Variants in SBNO2 observed in about 807,000 individuals in gnomAD.
SBNO2 encodes the protein strawberry notch homolog 2, also known as protein strawberry notch homolog 2.
Under a neutral mutation model 146.3 loss-of-function variants are expected in SBNO2, and 89 were observed. That is an observed-to-expected ratio of 0.61 (90% CI 0.51 to 0.73). The LOEUF is 0.73. Among genes scored for constraint, SBNO2 ranks in the 30% least tolerant of loss-of-function variants. The pLI is 0.00. For synonymous variants in SBNO2, 1,147 were observed against 892.6 expected (o/e 1.29, Z -5.08); for missense variants, 2,092 against 2,003.7 (o/e 1.04, Z -0.84).
At position 1,122,119 on chromosome 19, in the gene SBNO2, G is replaced by T; in HGVS notation, c.1149+20C>A. ...CCCCCTAATCCAGCCCTCCCCTCCCGATTGCCCCCAGCAGGATACGACGCC... is the reference window on the plus strand; with the variant it reads ...CCCCCTAATCCAGCCCTCCCCTCCCTATTGCCCCCAGCAGGATACGACGCC... On this transcript the variant is annotated intron_variant, in intron 11 of 31. Coordinates refer to ENST00000361757, the MANE Select transcript of SBNO2 (RefSeq NM_014963.3). 3.8e-6 allele frequency: 4 copies of T among 1,039,400 alleles called. No homozygotes were observed. Among genetic ancestry groups the T allele is most frequent in the Non-Finnish European group, 2.3e-6 (2 of 864,452 alleles). 64.4% of individuals were successfully genotyped at this position (1,039,400 alleles called of 1,614,324 possible).
chr19:1,117,286 C>T (rs374310421), intron 15 of SBNO2, 37 bp downstream of exon 15: 130 of 1,532,528 alleles, frequency 8.5e-5, no homozygotes, highest in East Asian at 8.3e-4. Flanking sequence ...CCTGCAGGCC[C>T]GGCCGCCCTC....
At chr19:1,146,236 G>C (rs150450175) in intron 4 of SBNO2, among the ~76,000 whole-genome samples, 2 of 152,164 alleles carry the variant, frequency 1.3e-5, no homozygotes, top group African/African-American at 4.8e-5. Context: ...CTGGGGAGGC[G>C]GACTTGACGG....
At chr19:1,117,111 G>A (rs997304523) in intron 15 of SBNO2, among the ~76,000 whole-genome samples, 185 bp from the exon 16 acceptor site, 6 of 152,162 alleles carry the variant, frequency 3.9e-5, no homozygotes, top group Non-Finnish European at 5.9e-5. Context: ...TGCCTGTCTC[G>A]GGATGGTGAG....
At chr19:1,149,289 T>C in intron 3 of SBNO2, 80 bp downstream of exon 3, 1 of 1,362,416 alleles carries the variant, frequency 7.3e-7, no homozygotes, top group Non-Finnish European at 1.0e-6. Context: ...CCTCGCGCCC[T>C]GCACCCAGAA....
chr19:1,139,690 G>A (rs1229691244), intron 4 of SBNO2, among the ~76,000 whole-genome samples: 3 of 152,086 alleles, frequency 2.0e-5, no homozygotes, highest in Non-Finnish European at 4.4e-5. Context: ...AGCTACTCGG[G>A]AGGCTGAGGC....
At chr19:1,149,563 T>G in intron 2 of SBNO2, 121 bp from the exon 3 acceptor site, 1 of 852,174 alleles carries the variant, frequency 1.2e-6, no homozygotes, top group Middle Eastern at 2.9e-4. Context: ...CAGGGTCCCA[T>G]CCCGCCCCTG....
chr19:1,116,313 G>A (rs116266952), intron 16 of SBNO2, among the ~76,000 whole-genome samples: 3,357 of 151,900 alleles, frequency 0.022, 129 homozygotes, highest in African/African-American at 0.077. Context: ...GGGCCACCTC[G>A]GCCACCAGGC....
chr19:1,114,395 G>A lies in SBNO2; in HGVS notation c.1913C>T (p.Ala638Val), dbSNP rs1266825350. 5 of 1,546,822 alleles carry A rather than the reference G, an allele frequency of 3.2e-6. No individual in the cohort carries two copies. Among genetic ancestry groups the A allele is most frequent in the African/African-American group, 1.4e-5 (1 of 73,000 alleles). Residue 638 changes from alanine to valine, a missense_variant, in exon 18 of 32, where the codon GCC becomes GTC. Coordinates refer to ENST00000361757, the MANE Select transcript of SBNO2 (RefSeq NM_014963.3). ...KRRPRGRGAK[A>V]PRLACETAGV... is the part of the protein sequence containing the mutation. ...CGCTGTCTCGCACGCCAGCCGGGGGGCTTTGGCCCCGCGTCCCCGAGGTCG... is the reference window on the plus strand; with the variant it reads ...CGCTGTCTCGCACGCCAGCCGGGGGACTTTGGCCCCGCGTCCCCGAGGTCG...
rs562447791 is a variant in SBNO2 at position 1,112,460 on chromosome 19, G to A, written c.2457C>T (p.Arg819=). The change falls in exon 21 of 32, where the codon CGC becomes CGT. Residue 819 remains arginine, a synonymous_variant. Coordinates refer to ENST00000361757, the MANE Select transcript of SBNO2 (RefSeq NM_014963.3). The surrounding 1 kb of genome is among the most constrained non-coding windows in gnomAD (Gnocchi z 5.9). The stretch of plus-strand genomic sequence containing the variant: ...GCAGCTCCAAGGTCATGTGCACGCG[G>A]CGCCGCTGGTTCTGGACACGGCGGT... The part of the protein sequence containing the change: ...QADRRVQNQR[R]RVHMTLELPW... 12 of 1,607,826 alleles carry A rather than the reference G, an allele frequency of 7.5e-6. No individual in the cohort carries two copies. The East Asian group carries it at 2.5e-4, about 33-fold the overall frequency.
At chr19:1,145,890 G>T (rs1334630503) in intron 4 of SBNO2, among the ~76,000 whole-genome samples, 1 of 152,104 alleles carries the variant, frequency 6.6e-6, no homozygotes, top group Non-Finnish European at 1.5e-5. Flanking sequence ...AACACAGCTG[G>T]TAGGCCAATT....
Position 1,157,827 on chromosome 19 carries a change from GT to G in SBNO2, c.-126-3426del, listed in dbSNP as rs2080306459. Among the ~76,000 whole-genome samples, 1 of 149,242 alleles carries G rather than the reference GT, an allele frequency of 6.7e-6. No homozygotes were observed. Among genetic ancestry groups the G allele is most frequent in the African/African-American group, 2.4e-5 (1 of 40,872 alleles). On this transcript the variant is annotated intron_variant, in intron 1 of 31. Transcript: ENST00000361757. The surrounding 1 kb of genome is among the most constrained non-coding windows in gnomAD (Gnocchi z 6.8). The stretch of plus-strand genomic sequence containing the variant: ...CCTCCCAGCTCTCTCCTGAGTCCGG[GT>G]AACTGCGTCCGCCTCCCAGCTCTCT...
At chr19:1,170,756 C>A (rs2080469654) in intron 1 of SBNO2, among the ~76,000 whole-genome samples, 1 of 152,032 alleles carries the variant, frequency 6.6e-6, no homozygotes, top group Non-Finnish European at 1.5e-5. Context: ...CGGACACGTG[C>A]ATAACGGACA....
intron 11 of SBNO2, 96 bp downstream of exon 11, chr19:1,122,043 C>G: frequency 1.1e-6 from 1 of 920,116 alleles, no homozygotes; most frequent in Non-Finnish European, 1.4e-6. Flanking sequence ...CCTCCTCTCC[C>G]CTGACTCCCA....
chr19:1,170,494 C>G (rs1292139943), intron 1 of SBNO2, among the ~76,000 whole-genome samples: 1 of 152,114 alleles, frequency 6.6e-6, no homozygotes, highest in Non-Finnish European at 1.5e-5. Context: ...GGGGTGACCT[C>G]GCTTTTAGGC....
At chr19:1,133,600 A>G (rs2080056047) in intron 4 of SBNO2, among the ~76,000 whole-genome samples, 1 of 152,114 alleles carries the variant, frequency 6.6e-6, no homozygotes. Context: ...GGGCGACAAC[A>G]CGGGTCCGTG....
Position 1,147,845 on chromosome 19 carries a change from A to T in SBNO2, c.168-425T>A, listed in dbSNP as rs564214020. 9.1e-3 allele frequency among the ~76,000 whole-genome samples: 1,387 copies of T among 152,110 alleles called. 8 individuals are homozygous for T. Among genetic ancestry groups the T allele is most frequent in the Non-Finnish European group, 0.014 (980 of 67,948 alleles). On this transcript the variant is annotated intron_variant, in intron 3 of 31. Coordinates refer to ENST00000361757, the MANE Select transcript of SBNO2 (RefSeq NM_014963.3). ...AAGGAGGAGAGCGCTACGGGCAGAA[A>T]CCCAGGATCACCGTCCTCCAGGGAG... is the stretch of plus-strand genomic sequence containing the variant.
chr19:1,168,083 G>A (rs1196468578), intron 1 of SBNO2, among the ~76,000 whole-genome samples: 1 of 152,156 alleles, frequency 6.6e-6, no homozygotes, highest in Non-Finnish European at 1.5e-5. Context: ...TGTGGCCAGG[G>A]TTTCTAGATC....
chr19:1,128,653 A>G (rs1485502427), intron 4 of SBNO2, among the ~76,000 whole-genome samples: 1 of 150,736 alleles, frequency 6.6e-6, no homozygotes, highest in African/African-American at 2.4e-5. Context: ...TTGGCCTCCC[A>G]AAGTGCTGGG....
chr19:1,118,318 A>G (rs1486094776), intron 14 of SBNO2, among the ~76,000 whole-genome samples: 1 of 152,098 alleles, frequency 6.6e-6, no homozygotes. Context: ...AGCCTGGGCA[A>G]CAAGAGTGGA....
Sources: allele counts gnomAD v4.1 joint callset (sites outside exome capture counted in the v4.1 genomes callset), GRCh38; gene constraint gnomAD v4.1.1; non-coding constraint Gnocchi (gnomAD v3.1); transcripts MANE v1.5; gene names NCBI Gene and HGNC (gene_info 2026-07-23, HGNC 2026-07-21).